Variants in PARP14 observed in about 807,000 individuals in gnomAD.
PARP14 encodes the protein poly(ADP-ribose) polymerase family member 14, also known as protein mono-ADP-ribosyltransferase PARP14.
Under a neutral mutation model 154.2 loss-of-function variants are expected in PARP14, and 59 were observed. The ratio of observed to expected loss-of-function variants is 0.38; its 90% CI spans 0.31 to 0.48. The LOEUF is 0.48. Ranked by LOEUF, PARP14 falls within the 20% of genes least tolerant of loss-of-function variation. The pLI, the probability that PARP14 is intolerant of heterozygous loss-of-function variation, is 0.98. For missense variants in PARP14, 1,734 were observed against 2,131.6 expected (o/e 0.81, Z 3.67); for synonymous variants, 720 against 780.5 (o/e 0.92, Z 1.29).
chr3:122,692,983 G>T (rs889679032), intron 4 of PARP14, among the ~76,000 whole-genome samples: 2 of 152,150 alleles, frequency 1.3e-5, no homozygotes, highest in East Asian at 3.8e-4. Context: ...CTTACTATAA[G>T]CCAGGTGCTA....
At chr3:122,694,485 C>G (rs1938701049) in intron 4 of PARP14, among the ~76,000 whole-genome samples, 1 of 152,098 alleles carries the variant, frequency 6.6e-6, no homozygotes, top group Admixed American at 6.5e-5. Context: ...TTTCTGTATC[C>G]TCAGATCCTA....
intron 9 of PARP14, among the ~76,000 whole-genome samples, chr3:122,709,149 G>A (rs527995978): frequency 7.9e-5 from 12 of 152,086 alleles, no homozygotes; most frequent in Admixed American, 2.6e-4. Context: ...TAGTGCATCC[G>A]TCACCTGAGC....
At position 122,692,329 on chromosome 3, in the gene PARP14, C is replaced by G. The variant is rs1055302985; in HGVS notation, c.384C>G (p.Leu128=). Residue 128 remains leucine, a synonymous_variant, in exon 4 of 17, where the codon CTC becomes CTG. Transcript: ENST00000474629. The part of the protein sequence containing the change: ...PDVSEELDTK[L]PLDGGLDKME... ...TGTCAGAAGAATTGGATACAAAACTCCCTCTTGATGGTGGATTAGACAAAA... is the reference window on the plus strand; with the variant it reads ...TGTCAGAAGAATTGGATACAAAACTGCCTCTTGATGGTGGATTAGACAAAA... 1 of 1,612,274 alleles carries G rather than the reference C, an allele frequency of 6.2e-7. No individual in the cohort carries two copies. Among genetic ancestry groups the G allele is most frequent in the Admixed American group, 1.7e-5 (1 of 59,970 alleles).
chr3:122,730,466 G>A lies in PARP14; in HGVS notation c.*1869G>A, dbSNP rs1054074033. 1 of 152,206 alleles carries A rather than the reference G, an allele frequency of 6.6e-6. No homozygotes were observed. Among genetic ancestry groups the A allele is most frequent in the Non-Finnish European group, 1.5e-5 (1 of 68,040 alleles). 9.4% of individuals were successfully genotyped at this position (152,206 alleles called of 1,614,324 possible). On this transcript the variant is annotated 3_prime_UTR_variant, in exon 17 of 17. Coordinates refer to ENST00000474629, the MANE Select transcript of PARP14 (RefSeq NM_017554.3). ...GGGACTTAATCTGCTAGGAACACCTGTACTTGAAGTGGAGGAGGCTAGGGG... is the reference window on the plus strand; with the variant it reads ...GGGACTTAATCTGCTAGGAACACCTATACTTGAAGTGGAGGAGGCTAGGGG...
intron 1 of PARP14, 122 bp from the exon 2 acceptor site, chr3:122,685,063 C>A: frequency 1.0e-6 from 1 of 989,724 alleles, no homozygotes; most frequent in Non-Finnish European, 1.5e-6. Context: ...CACATATAGC[C>A]TCTCTTGAGA....
Position 122,692,511 on chromosome 3 carries a change from A to G in PARP14, c.566A>G (p.Asp189Gly). Residue 189 changes from aspartate to glycine, a missense_variant, in exon 4 of 17, where the codon GAT (aspartate) becomes GGT (glycine). Physicochemically the swap from Asp to Gly is moderately conservative, Grantham distance 94. This residue lies in a region of PARP14 where 1,646 missense variants were observed against 1,976.0 expected (regional missense o/e 0.83). Coordinates refer to ENST00000474629, the MANE Select transcript of PARP14 (RefSeq NM_017554.3). Reference sequence around the variant, plus strand: ...CAAGTGGAAATAATAAGAGATTTTGATGTTGCTGTTGTTACCTTTCAAAAG... The same window carrying G: ...CAAGTGGAAATAATAAGAGATTTTGGTGTTGCTGTTGTTACCTTTCAAAAG... The part of the protein sequence containing the change: ...DFQVEIIRDF[D>G]VAVVTFQKHI... 6.2e-7 allele frequency: 1 copy of G among 1,612,484 alleles called. No individual in the cohort carries two copies. Among genetic ancestry groups the G allele is most frequent in the South Asian group, 1.1e-5 (1 of 90,992 alleles).
rs141113319 is a variant in PARP14, at chr3:122,683,979, T to G, written c.188-1206T>G. The stretch of plus-strand genomic sequence containing the variant: ...TAGTAAAGCCCTTCAGGAGTTTGTG[T>G]GGAAACATCTGCCCTCCTCATAAAG... On this transcript the variant is annotated intron_variant, in intron 1 of 16. Transcript: ENST00000474629. 1.2e-4 allele frequency among the ~76,000 whole-genome samples: 19 copies of G among 152,330 alleles called. No individual in the cohort carries two copies. In the East Asian group the frequency reaches 3.7e-3, roughly 29 times the overall value.
chr3:122,720,889 A>G (rs1225336094), intron 15 of PARP14: 3 of 456,234 alleles, frequency 6.6e-6, no homozygotes, highest in South Asian at 1.5e-5. Flanking sequence ...GAAGGATTGC[A>G]TGAGCCCAGG....
intron 8 of PARP14, among the ~76,000 whole-genome samples, chr3:122,707,624 C>A (rs1576593437): frequency 6.6e-6 from 1 of 151,652 alleles, no homozygotes; most frequent in African/African-American, 2.4e-5. Flanking sequence ...AACAAACAAA[C>A]AAAAAAACAC....
chr3:122,695,456 A>G lies in PARP14; in HGVS notation c.629A>G (p.Lys210Arg), dbSNP rs765619202. 41 of 1,597,394 alleles carry G rather than the reference A, an allele frequency of 2.6e-5. No homozygotes were observed. Among genetic ancestry groups the G allele is most frequent in the Non-Finnish European group, 3.3e-5 (39 of 1,167,762 alleles). The change falls in exon 5 of 17, where the codon AAG (lysine) becomes AGG (arginine). Residue 210 changes from lysine (K) to arginine (R), a missense_variant. This residue lies in a region of PARP14 where 1,646 missense variants were observed against 1,976.0 expected (regional missense o/e 0.83). Transcript: ENST00000474629. ...ATAAGATTTGTTGATGATTGTACCAAGCACCATTCAATTAAACAACTTCAG... is the reference window on the plus strand; with the variant it reads ...ATAAGATTTGTTGATGATTGTACCAGGCACCATTCAATTAAACAACTTCAG... ...DTIRFVDDCT[K>R]HHSIKQLQLS... is the part of the protein sequence containing the mutation.
intron 4 of PARP14, among the ~76,000 whole-genome samples, chr3:122,694,142 CA>C (rs1197353026): frequency 2.6e-5 from 4 of 152,110 alleles, no homozygotes; most frequent in African/African-American, 9.7e-5. Context: ...AAAGAAGGTC[CA>C]AGAGAAGAAG....
intron 14 of PARP14, among the ~76,000 whole-genome samples, chr3:122,719,853 A>G (rs780867145): frequency 1.3e-5 from 2 of 152,244 alleles, no homozygotes; most frequent in Admixed American, 6.5e-5. Context: ...GCAAAAATCC[A>G]TGCACAAACA....
rs1232103915 is a variant in PARP14 at position 122,718,914 on chromosome 3, C to A, written c.4763C>A (p.Thr1588Lys). 6.2e-7 allele frequency: 1 copy of A among 1,611,970 alleles called. No homozygotes were observed. The highest frequency in any genetic ancestry group is 8.5e-7 in the Non-Finnish European group (1 of 1,179,032). ...VNLNTYTATDTKGHSLSVQRL... is the reference protein window; with the variant it reads ...VNLNTYTATDKKGHSLSVQRL... ...TTGAACACATACACTGCCACAGACA[C>A]AAAGGGCCACAGTTTATCTGTTCAG... The change falls in exon 14 of 17, where the codon ACA (threonine) becomes AAA (lysine). Residue 1588 changes from threonine to lysine, a missense_variant. By Grantham distance (78) the Thr-to-Lys change is moderately conservative (BLOSUM62 -1). Transcript: ENST00000474629.
Position 122,700,174 on chromosome 3 carries a change from T to C in PARP14, c.1620T>C (p.Pro540=). The C allele has an allele frequency of 3.1e-6, 5 of 1,612,834 alleles. No individual in the cohort carries two copies. Among genetic ancestry groups the C allele is most frequent in the South Asian group, 1.1e-5 (1 of 90,880 alleles). Residue 540 remains proline (P), a synonymous_variant, in exon 6 of 17, where the codon CCT becomes CCC. Coordinates refer to ENST00000474629, the MANE Select transcript of PARP14 (RefSeq NM_017554.3). ...CTCAGAAAAACATTCAGGTTTCTCC[T>C]GAGATTTTTCAGTTTTTGCAACAGG... ...TMAQKNIQVS[P]EIFQFLQQVN...
chr3:122,699,827 G>C lies in PARP14; in HGVS notation c.1273G>C (p.Glu425Gln). 1.9e-6 allele frequency: 3 copies of C among 1,613,968 alleles called. No homozygotes were observed. Among genetic ancestry groups the C allele is most frequent in the Non-Finnish European group, 1.7e-6 (2 of 1,179,828 alleles). The change falls in exon 6 of 17, where the codon GAG (glutamate) becomes CAG (glutamine). Residue 425 changes from glutamate (E) to glutamine (Q), a missense_variant. Coordinates refer to ENST00000474629, the MANE Select transcript of PARP14 (RefSeq NM_017554.3). The part of the protein sequence containing the change: ...NDVKDDRILI[E>Q]FDTLKEMVIL... ...TGTGAAAGATGACAGGATTTTGATT[G>C]AGTTTGATACACTTAAGGAGATGGT... is the stretch of plus-strand genomic sequence containing the variant.
rs528345321 is a variant in PARP14 at position 122,688,737 on chromosome 3, G to A, written c.355+1624G>A. On this transcript the variant is annotated intron_variant, in intron 3 of 16. Coordinates refer to ENST00000474629, the MANE Select transcript of PARP14 (RefSeq NM_017554.3). ...ATTCTGTTTCTCAGGGATGGGGAAC[G>A]TACTCTCCGGACAATGAACCACAAC... 9.2e-5 allele frequency among the ~76,000 whole-genome samples: 14 copies of A among 152,254 alleles called. 1 individual carries two copies. In the South Asian group the frequency reaches 2.9e-3, roughly 32 times the overall value.
intron 8 of PARP14, among the ~76,000 whole-genome samples, chr3:122,705,584 T>G (rs1027164968): frequency 1.3e-5 from 2 of 152,224 alleles, no homozygotes; most frequent in African/African-American, 2.4e-5. Context: ...AACAGGCTTT[T>G]AAGCCATTAT....
intron 3 of PARP14, among the ~76,000 whole-genome samples, chr3:122,691,676 T>C (rs1233854146): frequency 6.6e-6 from 1 of 152,194 alleles, no homozygotes; most frequent in African/African-American, 2.4e-5. Context: ...TTATATACCA[T>C]ATGCTAGCAA....
chr3:122,727,923 G>A lies in PARP14; in HGVS notation c.5053G>A (p.Asp1685Asn). 1 of 1,613,970 alleles carries A rather than the reference G, an allele frequency of 6.2e-7. No individual in the cohort carries two copies. Among genetic ancestry groups the A allele is most frequent in the Non-Finnish European group, 8.5e-7 (1 of 1,179,814 alleles). The change falls in exon 16 of 17, where the codon GAT becomes AAT. Residue 1685 changes from aspartate to asparagine, a missense_variant. Transcript: ENST00000474629. The stretch of plus-strand genomic sequence containing the variant: ...TGAGAAGCAACTCTTCCATGGGACA[G>A]ATGCCGGCTCCGTGCCACACGTCAA... ...MNEKQLFHGT[D>N]AGSVPHVNRN...
Sources: gnomAD v4.1 joint callset for allele counts (sites outside exome capture counted in the v4.1 genomes callset) on GRCh38, gnomAD v4.1.1 for gene constraint, gnomAD v4.1.1 regional missense constraint, MANE v1.5 for transcripts, NCBI Gene and HGNC (gene_info 2026-07-23, HGNC 2026-07-21) for gene names.